Variants in ATP7B observed in about 807,000 individuals in gnomAD.
The protein encoded by ATP7B is copper-transporting ATPase 2.
Under a neutral mutation model 118.9 loss-of-function variants are expected in ATP7B, and 113 were observed. That is an observed-to-expected ratio of 0.95 (90% CI 0.82 to 1.11). The LOEUF (loss-of-function observed/expected upper bound fraction) is 1.11, where lower values mean the gene tolerates loss of function less well. Among genes scored for constraint, ATP7B ranks in the 50% most tolerant of loss-of-function variants. The pLI, the probability that ATP7B is intolerant of heterozygous loss-of-function variation, is 0.00. For synonymous variants in ATP7B, 777 were observed against 727.4 expected (o/e 1.07, Z -1.10); for missense variants, 1,867 against 1,871.4 (o/e 1.00, Z 0.04).
intron 1 of ATP7B, among the ~76,000 whole-genome samples, chr13:52,008,281 A>C (rs1953871483): frequency 6.6e-6 from 1 of 152,240 alleles, no homozygotes; most frequent in African/African-American, 2.4e-5. Context: ...CACAGGTTGC[A>C]GTGAACCGAG....
intron 13 of ATP7B, among the ~76,000 whole-genome samples, chr13:51,945,730 G>A (rs1957603666): frequency 6.6e-6 from 1 of 152,160 alleles, no homozygotes; most frequent in African/African-American, 2.4e-5. Flanking sequence ...CATGACCATC[G>A]CCAGAACCCA....
intron 14 of ATP7B, 72 bp downstream of exon 14, chr13:51,944,037 A>G: frequency 1.3e-6 from 2 of 1,592,734 alleles, no homozygotes; most frequent in Non-Finnish European, 1.7e-6. Context: ...GAGGGCAGCT[A>G]GGAGAGAAGG....
chr13:52,008,467 A>C (rs181674052), intron 1 of ATP7B, among the ~76,000 whole-genome samples: 1 of 152,296 alleles, frequency 6.6e-6, no homozygotes, highest in Admixed American at 6.5e-5. Context: ...CGAATCCCCT[A>C]ATCACATGGT....
Position 51,970,732 on chromosome 13 carries a change from G to C in ATP7B, c.1303C>G (p.Pro435Ala). The change falls in exon 3 of 21, where the codon CCT becomes GCT. Residue 435 changes from proline (P) to alanine (A), a missense_variant. Physicochemically the swap from Pro to Ala is conservative, Grantham distance 27. Transcript: ENST00000242839. ...TTCCCAGCACTGTGGTTTCCAAGAG[G>C]GTTAGTAGAACAGCTTTCTAGGATA... ...SVVSESCSTNPLGNHSAGNSM... is the reference protein window; with the variant it reads ...SVVSESCSTNALGNHSAGNSM... The C allele has an allele frequency of 6.2e-7, 1 of 1,613,848 alleles. No individual in the cohort carries two copies. The highest frequency in any genetic ancestry group is 8.5e-7 in the Non-Finnish European group (1 of 1,179,810).
Position 51,958,363 on chromosome 13 carries a change from G to A in ATP7B, c.2303C>T (p.Pro768Leu), listed in dbSNP as rs1057516844. The change falls in exon 8 of 21, where the codon CCC becomes CTC. Residue 768 changes from proline to leucine, a missense_variant. By Grantham distance (98) the Pro-to-Leu change is moderately conservative. Coordinates refer to ENST00000242839, the MANE Select transcript of ATP7B (RefSeq NM_000053.4). ...RSPVTFFDTP[P>L]MLFVFIALGR... is the part of the protein sequence containing the mutation. ...CAGGGCAATGAACACAAAGAGCATG[G>A]GGGGCGTGTCGAAGAATGTCACAGG... The A allele has an allele frequency of 1.2e-6, 2 of 1,614,234 alleles. No individual in the cohort carries two copies. Among genetic ancestry groups the A allele is most frequent in the South Asian group, 2.2e-5 (2 of 91,080 alleles).
intron 1 of ATP7B, among the ~76,000 whole-genome samples, chr13:52,002,971 C>T (rs1244814381): frequency 6.6e-6 from 1 of 152,170 alleles, no homozygotes; most frequent in East Asian, 1.9e-4. Flanking sequence ...ATGCTGAGGA[C>T]CTTGCTCTGG....
chr13:51,991,832 T>C (rs1952931306), intron 1 of ATP7B, among the ~76,000 whole-genome samples: 1 of 152,198 alleles, frequency 6.6e-6, no homozygotes, highest in Non-Finnish European at 1.5e-5. Context: ...CGTGCTCTTA[T>C]GGAGGGGATT....
chr13:52,011,238 T>C, intron 1 of ATP7B, 49 bp downstream of exon 1: 1 of 1,614,008 alleles, frequency 6.2e-7, no homozygotes, highest in South Asian at 1.1e-5. Context: ...AGGAAAATCC[T>C]CCTGGTGGGA....
intron 5 of ATP7B, among the ~76,000 whole-genome samples, chr13:51,962,786 A>G (rs973743066): frequency 2.0e-5 from 3 of 152,130 alleles, no homozygotes; most frequent in Non-Finnish European, 2.9e-5. Context: ...GAAGCAAGTG[A>G]GGTATCAGAA....
In ATP7B at chr13:51,935,027, T is replaced by G. The variant is rs1555282338; in HGVS notation, c.4127A>C (p.Tyr1376Ser). ...ATACCTCTCCAGGTCAGGCTTCTTA[T>G]AGCTGGAAAGCAGGAACGCAACAGC... The part of the protein sequence containing the change: ...VVLSSLQLKC[Y>S]KKPDLERYEA... Residue 1376 changes from tyrosine to serine, a missense_variant and splice_region_variant, in exon 21 of 21, where the codon TAT becomes TCT. Tyr to Ser is a moderately radical substitution (Grantham distance 144, BLOSUM62 -2). Coordinates refer to ENST00000242839, the MANE Select transcript of ATP7B (RefSeq NM_000053.4). 1.2e-6 allele frequency: 2 copies of G among 1,613,808 alleles called. No individual in the cohort carries two copies. Among genetic ancestry groups the G allele is most frequent in the Non-Finnish European group, 1.7e-6 (2 of 1,180,022 alleles).
At chr13:51,937,762 T>C in intron 17 of ATP7B, 83 bp from the exon 18 acceptor site, 3 of 1,501,734 alleles carry the variant, frequency 2.0e-6, no homozygotes, top group Non-Finnish European at 1.8e-6. Context: ...TTGCCCCCTC[T>C]GCCCTCGGCC....
chr13:51,956,445 G>A (rs891356828), intron 9 of ATP7B, among the ~76,000 whole-genome samples: 3 of 152,246 alleles, frequency 2.0e-5, no homozygotes, highest in East Asian at 1.9e-4. Context: ...GGAGTGGTTA[G>A]AGTCTGCATG....
Position 51,957,569 on chromosome 13 carries a change from G to A in ATP7B, c.2394C>T (p.Leu798=), listed in dbSNP as rs758690020. Reference sequence around the variant, plus strand: ...TCACAACGGTGGCTTCTGTGGCTTGGAGAGACATGAGTTTAGCCAGGGCTT... The same window carrying A: ...TCACAACGGTGGCTTCTGTGGCTTGAAGAGACATGAGTTTAGCCAGGGCTT... The part of the protein sequence containing the change: ...TSEALAKLMS[L]QATEATVVTL... Residue 798 remains leucine (L), a synonymous_variant, in exon 9 of 21, where the codon CTC becomes CTT. Coordinates refer to ENST00000242839, the MANE Select transcript of ATP7B (RefSeq NM_000053.4). 5.0e-6 allele frequency: 8 copies of A among 1,614,198 alleles called. No homozygotes were observed. The highest frequency in any genetic ancestry group is 6.8e-6 in the Non-Finnish European group (8 of 1,180,004).
At chr13:51,995,859 A>G (rs1953180249) in intron 1 of ATP7B, among the ~76,000 whole-genome samples, 1 of 152,150 alleles carries the variant, frequency 6.6e-6, no homozygotes, top group African/African-American at 2.4e-5. Context: ...CACACAGCCC[A>G]TGCACACCCT....
chr13:51,957,182 C>T (rs1312003808), intron 9 of ATP7B, among the ~76,000 whole-genome samples: 1 of 152,166 alleles, frequency 6.6e-6, no homozygotes, highest in Non-Finnish European at 1.5e-5. Flanking sequence ...CTCTGCCTGT[C>T]TGAATGTGTA....
chr13:51,964,953 G>A lies in ATP7B; in HGVS notation c.1788C>T (p.Ser596=), dbSNP rs765587604. The A allele has an allele frequency of 5.6e-6, 9 of 1,614,140 alleles. No individual in the cohort carries two copies. Among genetic ancestry groups the A allele is most frequent in the East Asian group, 4.5e-5 (2 of 44,888 alleles). ...LTRTNGITYA[S]VALATSKALV... ...GGGCTTTGCTGGTGGCAAGGGCAAC[G>A]GAGGCATAAGTGATGCCATTTGTCC... Residue 596 remains serine, a synonymous_variant, in exon 5 of 21, where the codon TCC becomes TCT. Transcript: ENST00000242839.
At chr13:51,966,117 T>C (rs1256168288) in intron 4 of ATP7B, among the ~76,000 whole-genome samples, 2 of 152,208 alleles carry the variant, frequency 1.3e-5, no homozygotes, top group African/African-American at 2.4e-5. Context: ...CTGCTCTCCT[T>C]TTGTTTTTAT....
chr13:52,011,349 G>T lies in ATP7B; in HGVS notation c.-12C>A. The stretch of plus-strand genomic sequence containing the variant: ...TCCTGCTCAGGCATCGTCCCGCACG[G>T]ACACCGAATTCTTCTCTGATCTGGC... On this transcript the variant is annotated 5_prime_UTR_variant, in exon 1 of 21. Transcript: ENST00000242839. 1 of 1,614,222 alleles carries T rather than the reference G, an allele frequency of 6.2e-7. No individual in the cohort carries two copies. Among genetic ancestry groups the T allele is most frequent in the Non-Finnish European group, 8.5e-7 (1 of 1,180,014 alleles).
At chr13:51,996,671 C>G (rs1326623235) in intron 1 of ATP7B, among the ~76,000 whole-genome samples, 1 of 152,224 alleles carries the variant, frequency 6.6e-6, no homozygotes, top group Non-Finnish European at 1.5e-5. Context: ...CTTCCTCCCC[C>G]ATTAACACTG....
Sources: gnomAD v4.1 joint callset for allele counts (sites outside exome capture counted in the v4.1 genomes callset) on GRCh38, gnomAD v4.1.1 for gene constraint, MANE v1.5 for transcripts, NCBI Gene and HGNC (gene_info 2026-07-23, HGNC 2026-07-21) for gene names.